The following ROBO2 variants were observed in gnomAD, a reference collection of about 807,000 sequenced individuals.
ROBO2 encodes roundabout guidance receptor 2.
In ROBO2, 53 loss-of-function variants were observed where a neutral mutation model predicts 160.8. That is an observed-to-expected ratio of 0.33 (90% CI 0.26 to 0.41). ROBO2 has a LOEUF of 0.41. Ranked by LOEUF, ROBO2 falls within the 10% of genes least tolerant of loss-of-function variation. The probability of loss-of-function intolerance (pLI) is 1.00; values close to 1 mark genes in which losing one functional copy is unlikely to be tolerated. For missense variants in ROBO2, 1,577 were observed against 1,722.4 expected (o/e 0.92, Z 1.49); for synonymous variants, 664 against 611.7 (o/e 1.09, Z -1.26).
chr3:75,996,581 A>T (rs1410143256), intron 2 of ROBO2, among the ~76,000 whole-genome samples: 2 of 152,174 alleles, frequency 1.3e-5, no homozygotes, highest in African/African-American at 4.8e-5. Context: ...TTCATTTAGG[A>T]CTTTCCTTAT....
At chr3:76,934,972 T>TTTTTTTA (rs1480959046) in intron 2 of ROBO2, among the ~76,000 whole-genome samples, 7 of 151,778 alleles carry the variant, frequency 4.6e-5, no homozygotes, top group African/African-American at 1.5e-4. Flanking sequence ...TTTTTTTTTT[T>TTTTTTTA]AGACCATCTC....
intron 2 of ROBO2, among the ~76,000 whole-genome samples, chr3:77,236,733 T>C (rs1478403235): frequency 6.6e-6 from 1 of 151,928 alleles, no homozygotes; most frequent in Non-Finnish European, 1.5e-5. Context: ...TGAAAACCAC[T>C]GATCTTTTTT....
intron 2 of ROBO2, among the ~76,000 whole-genome samples, chr3:77,324,654 C>A (rs1207157929): frequency 4.1e-5 from 5 of 120,986 alleles, no homozygotes; most frequent in Non-Finnish European, 8.1e-5. Flanking sequence ...GTGGTGAGCG[C>A]CTGTAGTCCC....
At chr3:76,266,524 G>C (rs1707111295) in intron 2 of ROBO2, among the ~76,000 whole-genome samples, 1 of 152,042 alleles carries the variant, frequency 6.6e-6, no homozygotes, top group Admixed American at 6.6e-5. Flanking sequence ...CTCTCTGTAT[G>C]CAACATTAAA....
chr3:76,252,371 C>T (rs557046274), intron 2 of ROBO2, among the ~76,000 whole-genome samples: 132 of 152,000 alleles, frequency 8.7e-4, no homozygotes, highest in Non-Finnish European at 5.1e-4. Flanking sequence ...CGTACTCAAA[C>T]GTATTTGATG....
chr3:76,797,476 T>C (rs556317663), intron 2 of ROBO2, among the ~76,000 whole-genome samples: 6 of 151,876 alleles, frequency 4.0e-5, no homozygotes, highest in African/African-American at 1.4e-4. Flanking sequence ...AGCACCTATA[T>C]AAAAAAGTAC....
intron 4 of ROBO2, among the ~76,000 whole-genome samples, chr3:77,486,664 G>A (rs974836508): frequency 6.6e-6 from 1 of 152,060 alleles, no homozygotes; most frequent in Admixed American, 6.6e-5. Context: ...CTGGATATTA[G>A]ACCTTTGTCA....
rs77648043 is a variant in ROBO2 at position 75,912,650 on chromosome 3, C to T, written c.-14+5690C>T. Among the ~76,000 whole-genome samples the T allele has an allele frequency of 1.8e-4, 27 of 152,158 alleles. No individual in the cohort carries two copies. The East Asian group carries it at 4.8e-3, about 27-fold the overall frequency. ...GAAAATATTAGCTCCATCAGATACA[C>T]GGTTGCTTACGTGTAGCTGCGTGGA... On this transcript the variant is annotated intron_variant, in intron 1 of 26. Coordinates refer to the ROBO2 transcript ENST00000487694.
chr3:76,789,558 C>A (rs1053981227), intron 2 of ROBO2, among the ~76,000 whole-genome samples: 1 of 151,506 alleles, frequency 6.6e-6, no homozygotes, highest in South Asian at 2.1e-4. Flanking sequence ...TATTGTACTG[C>A]GGATGCAGTA....
intron 2 of ROBO2, among the ~76,000 whole-genome samples, chr3:76,215,875 G>C (rs1703487251): frequency 6.6e-6 from 1 of 152,112 alleles, no homozygotes; most frequent in Non-Finnish European, 1.5e-5. Context: ...CACCAAAGTT[G>C]AAATGAAGGA....
chr3:76,044,041 C>A (rs1182130805), intron 2 of ROBO2, among the ~76,000 whole-genome samples: 1 of 151,920 alleles, frequency 6.6e-6, no homozygotes, highest in African/African-American at 2.4e-5. Context: ...TTGTAAGTGA[C>A]CATTGTATAC....
intron 2 of ROBO2, among the ~76,000 whole-genome samples, chr3:76,392,204 C>A (rs1055886682): frequency 1.3e-5 from 2 of 151,990 alleles, no homozygotes; most frequent in African/African-American, 2.4e-5. Flanking sequence ...AATTGATGTA[C>A]CCTTTTGGCT....
intron 1 of ROBO2, among the ~76,000 whole-genome samples, chr3:77,085,649 A>G (rs1213151066): frequency 6.6e-6 from 1 of 152,072 alleles, no homozygotes; most frequent in Non-Finnish European, 1.5e-5. Context: ...AAGATCTCCA[A>G]AAGCCATTGT....
chr3:77,437,956 T>C (rs2079478228), intron 2 of ROBO2, among the ~76,000 whole-genome samples: 1 of 152,052 alleles, frequency 6.6e-6, no homozygotes, highest in African/African-American at 2.4e-5. Context: ...GTATGTTTAT[T>C]AAAAATCTAT....
chr3:76,660,088 A>G (rs556808809), intron 2 of ROBO2, among the ~76,000 whole-genome samples: 2 of 151,130 alleles, frequency 1.3e-5, no homozygotes, highest in African/African-American at 4.8e-5. Context: ...GAAATTGAGC[A>G]TAATCATTCA....
In ROBO2 at chr3:77,614,242, A is replaced by G. The variant is rs1321632771; in HGVS notation, c.3294-3271A>G. On this transcript the variant is annotated intron_variant, in intron 21 of 25. Transcript: ENST00000461745. Reference sequence around the variant, plus strand: ...AAAACTGAAAGCAGAAAATCCCACCAGGACAGTGAGTTACAATATTTTAAA... The same window carrying G: ...AAAACTGAAAGCAGAAAATCCCACCGGGACAGTGAGTTACAATATTTTAAA... Among the ~76,000 whole-genome samples the G allele has an allele frequency of 2.6e-5, 4 of 152,348 alleles. No homozygotes were observed. The East Asian group carries it at 5.8e-4, about 22-fold the overall frequency.
At chr3:76,442,398 A>C (rs1456732229) in intron 2 of ROBO2, among the ~76,000 whole-genome samples, 3 of 152,092 alleles carry the variant, frequency 2.0e-5, no homozygotes, top group Non-Finnish European at 2.9e-5. Context: ...TTTGTTTCTC[A>C]AGTGGAAAGA....
At chr3:76,464,190 C>T (rs1341526071) in intron 2 of ROBO2, among the ~76,000 whole-genome samples, 1 of 152,046 alleles carries the variant, frequency 6.6e-6, no homozygotes. Flanking sequence ...TAAGGAAAGG[C>T]TGAAAGATTT....
intron 2 of ROBO2, among the ~76,000 whole-genome samples, chr3:76,584,195 T>C (rs1265306096): frequency 3.9e-5 from 6 of 152,126 alleles, no homozygotes; most frequent in African/African-American, 1.2e-4. Flanking sequence ...GGATGCACTT[T>C]GTCAGCAGGA....
Sources: allele counts gnomAD v4.1 joint callset (sites outside exome capture counted in the v4.1 genomes callset), GRCh38; gene constraint gnomAD v4.1.1; transcripts MANE v1.5; gene names NCBI Gene and HGNC (gene_info 2026-07-23, HGNC 2026-07-21).